The following CACNG5 variants were observed in gnomAD, a reference collection of about 807,000 sequenced individuals.
CACNG5 encodes the protein voltage-dependent calcium channel gamma-5 subunit.
Under a neutral mutation model 24.8 loss-of-function variants are expected in CACNG5, and 18 were observed. The ratio of observed to expected loss-of-function variants is 0.73; its 90% confidence interval spans 0.50 to 1.08. CACNG5 has a LOEUF of 1.08. Ranked by LOEUF, CACNG5 falls within the 50% of genes least tolerant of loss-of-function variation. The probability of loss-of-function intolerance (pLI) is 0.00; values close to 1 mark genes in which losing one functional copy is unlikely to be tolerated. For synonymous variants in CACNG5, 157 were observed against 149.1 expected, an observed-to-expected ratio of 1.05 and a Z score of -0.39; for missense variants, 349 against 367.9, an observed-to-expected ratio of 0.95 and a Z score of 0.42.
In CACNG5 at chr17:66,863,120, A is replaced by T. The variant is rs889675510; in HGVS notation, c.-103-14110A>T. Among the ~76,000 whole-genome samples, 4 of 151,394 alleles carry T rather than the reference A, an allele frequency of 2.6e-5. No homozygotes were observed. The East Asian group carries it at 5.8e-4, about 22-fold the overall frequency. On this transcript the variant is annotated intron_variant, in intron 1 of 5. Coordinates refer to ENST00000533854, the MANE Select transcript of CACNG5 (RefSeq NM_145811.3). Reference sequence around the variant, plus strand: ...ACTTCTAGCCCTTCTTTTTTTTCTAATATATGCTCTTAAGGTTATGATTTT... The same window carrying T: ...ACTTCTAGCCCTTCTTTTTTTTCTATTATATGCTCTTAAGGTTATGATTTT...
At position 66,877,436 on chromosome 17, in the gene CACNG5, A is replaced by G; in HGVS notation, c.104A>G (p.Tyr35Cys). The G allele has an allele frequency of 6.2e-7, 1 of 1,613,972 alleles. No individual in the cohort carries two copies. The highest frequency in any genetic ancestry group is 8.5e-7 in the Non-Finnish European group (1 of 1,179,968). The stretch of plus-strand genomic sequence containing the variant: ...GCGGTCAGCACCGACTACTGGCTGT[A>G]CCTGGAGGAGGGTGTGATTGTGCCC... ...GIAVSTDYWL[Y>C]LEEGVIVPQN... The change falls in exon 2 of 6, where the codon TAC becomes TGC. Residue 35 changes from tyrosine to cysteine, a missense_variant. Transcript: ENST00000533854.
rs529967798 is a variant in CACNG5 at position 66,889,172 on chromosome 17, G to A, written c.*3932G>A. On this transcript the variant is annotated 3_prime_UTR_variant, in exon 6 of 6. Coordinates refer to ENST00000533854, the MANE Select transcript of CACNG5 (RefSeq NM_145811.3). ...GATGGGGTTTCCCCATGTTGGCCAC[G>A]TTGGTCTTGAACTCCTGACCTCAAG... 3.3e-5 allele frequency among the ~76,000 whole-genome samples: 5 copies of A among 152,300 alleles called. No homozygotes were observed. The highest frequency in any genetic ancestry group is 1.9e-4 in the East Asian group (1 of 5,170).
At position 66,870,040 on chromosome 17, in the gene CACNG5, G is replaced by A. The variant is rs192467346; in HGVS notation, c.-103-7190G>A. 4.5e-4 allele frequency among the ~76,000 whole-genome samples: 68 copies of A among 151,762 alleles called. 1 individual carries two copies. The East Asian group carries it at 8.7e-3, about 19-fold the overall frequency. On this transcript the variant is annotated intron_variant, in intron 1 of 5. Coordinates refer to ENST00000533854, the MANE Select transcript of CACNG5 (RefSeq NM_145811.3). ...GGAGGTTGCAGTGAGCTGAGATTGC[G>A]CCACTGCACTCCAGCCTGGGCAAAA...
chr17:66,880,479 A>G, intron 3 of CACNG5, 78 bp from the exon 4 acceptor site: 1 of 1,578,854 alleles, frequency 6.3e-7, no homozygotes, highest in Non-Finnish European at 8.7e-7. Flanking sequence ...AGACACTGCC[A>G]GGAACACTCA....
chr17:66,872,968 A>C lies in CACNG5; in HGVS notation c.-103-4262A>C, dbSNP rs115582640. 3.3e-3 allele frequency among the ~76,000 whole-genome samples: 503 copies of C among 152,312 alleles called. 5 individuals are homozygous for C. Among genetic ancestry groups the C allele is most frequent in the African/African-American group, 0.012 (488 of 41,572 alleles). On this transcript the variant is annotated intron_variant, in intron 1 of 5. Transcript: ENST00000533854. ...TTTTCCTTCTTCCCAACACTCTTTG[A>C]GCCCATATTTCTTCAGTAGCGAGAT...
intron 4 of CACNG5, among the ~76,000 whole-genome samples, chr17:66,882,481 C>A (rs1184567647): frequency 2.0e-5 from 3 of 152,056 alleles, no homozygotes; most frequent in Non-Finnish European, 2.9e-5. Flanking sequence ...AATCCATGGA[C>A]ATGGATGAGA....
intron 1 of CACNG5, among the ~76,000 whole-genome samples, chr17:66,869,533 T>C (rs1346201455): frequency 6.6e-6 from 1 of 152,184 alleles, no homozygotes; most frequent in Non-Finnish European, 1.5e-5. Context: ...AGAGTGGCCA[T>C]GTGACTGGCC....
intron 4 of CACNG5, 137 bp downstream of exon 4, chr17:66,880,834 C>A: frequency 1.1e-6 from 1 of 871,676 alleles, no homozygotes; most frequent in Non-Finnish European, 1.8e-6. Flanking sequence ...CTCCACCTCC[C>A]GGATTCAAGC....
intron 1 of CACNG5, among the ~76,000 whole-genome samples, chr17:66,875,880 C>A (rs887774075): frequency 1.3e-5 from 2 of 152,234 alleles, no homozygotes; most frequent in Admixed American, 6.5e-5. Context: ...CCCCAGGCCT[C>A]ATTCTCTTCT....
At chr17:66,852,170 C>G (rs890301423) in intron 1 of CACNG5, among the ~76,000 whole-genome samples, 4 of 152,226 alleles carry the variant, frequency 2.6e-5, no homozygotes, top group Non-Finnish European at 2.9e-5. Context: ...GCTTTCTGGT[C>G]TTCGGACTCT....
At position 66,889,731 on chromosome 17, in the gene CACNG5, C is replaced by T. The variant is rs1244841640; in HGVS notation, c.*4491C>T. On this transcript the variant is annotated 3_prime_UTR_variant, in exon 6 of 6. Transcript: ENST00000533854. Reference sequence around the variant, plus strand: ...TCAGCCTTTGTTCTATTCAGGCTTTCAGTGCAGTGGTTGAGGCCCACCGAC... The same window carrying T: ...TCAGCCTTTGTTCTATTCAGGCTTTTAGTGCAGTGGTTGAGGCCCACCGAC... Among the ~76,000 whole-genome samples the T allele has an allele frequency of 6.6e-6, 1 of 152,154 alleles. No homozygotes were observed. Among genetic ancestry groups the T allele is most frequent in the Non-Finnish European group, 1.5e-5 (1 of 68,026 alleles).
intron 1 of CACNG5, among the ~76,000 whole-genome samples, chr17:66,869,921 A>G: frequency 6.6e-6 from 1 of 152,000 alleles, no homozygotes; most frequent in Non-Finnish European, 1.5e-5. Flanking sequence ...GTCTCTACTA[A>G]AAATACAAAA....
intron 4 of CACNG5, among the ~76,000 whole-genome samples, chr17:66,881,288 C>A (rs1368535412): frequency 6.6e-6 from 1 of 152,176 alleles, no homozygotes; most frequent in African/African-American, 2.4e-5. Flanking sequence ...ATCACTGCAC[C>A]TAATGACTTT....
chr17:66,847,308 T>C (rs1397260554), intron 1 of CACNG5, among the ~76,000 whole-genome samples: 1 of 152,210 alleles, frequency 6.6e-6, no homozygotes, highest in African/African-American at 2.4e-5. Flanking sequence ...ATTAGTCCCT[T>C]TTCATACTGC....
At chr17:66,869,271 A>G (rs1406316196) in intron 1 of CACNG5, among the ~76,000 whole-genome samples, 1 of 151,968 alleles carries the variant, frequency 6.6e-6, no homozygotes, top group East Asian at 1.9e-4. Context: ...TTTAATAGAA[A>G]CAGGATTTCA....
intron 1 of CACNG5, among the ~76,000 whole-genome samples, chr17:66,842,616 G>A (rs916210601): frequency 5.3e-5 from 8 of 152,162 alleles, no homozygotes; most frequent in African/African-American, 1.7e-4. Context: ...ATGAGAACCC[G>A]GAATCTGGAG....
rs1042002368 is a variant in CACNG5 at position 66,888,278 on chromosome 17, C to T, written c.*3038C>T. On this transcript the variant is annotated 3_prime_UTR_variant, in exon 6 of 6. Transcript: ENST00000533854. ...AGAAAGAGGAGGCCTGGCGCAGTGG[C>T]TCATGCCTGTAATCCCAGCACTTTG... is the stretch of plus-strand genomic sequence containing the variant. 2.0e-5 allele frequency among the ~76,000 whole-genome samples: 3 copies of T among 147,808 alleles called. No homozygotes were observed. Among genetic ancestry groups the T allele is most frequent in the Non-Finnish European group, 4.4e-5 (3 of 67,500 alleles).
chr17:66,836,884 G>A (rs1431424902), intron 1 of CACNG5, among the ~76,000 whole-genome samples: 1 of 152,236 alleles, frequency 6.6e-6, no homozygotes, highest in Admixed American at 6.5e-5. Context: ...AGGGAGCTCA[G>A]CCATTCTCAG....
chr17:66,872,707 C>A (rs1977026390), intron 1 of CACNG5, among the ~76,000 whole-genome samples: 1 of 152,138 alleles, frequency 6.6e-6, no homozygotes, highest in South Asian at 2.1e-4. Flanking sequence ...CCTGTGTGTG[C>A]TTTGAGGAAA....
Sources: allele counts gnomAD v4.1 joint callset (sites outside exome capture counted in the v4.1 genomes callset), GRCh38; gene constraint gnomAD v4.1.1; transcripts MANE v1.5; gene names NCBI Gene and HGNC (gene_info 2026-07-23, HGNC 2026-07-21).